Variants in CLTRN observed in about 807,000 individuals in gnomAD.
CLTRN encodes the protein collectrin.
CLTRN carries 12 observed loss-of-function variants against 14.5 expected under a neutral mutation model. That is an observed-to-expected ratio of 0.83 (90% CI 0.53 to 1.34). The LOEUF is 1.34. CLTRN is among the 40% of genes most tolerant of loss of function. CLTRN has a pLI of 0.00. For missense variants in CLTRN, 154 were observed against 165.1 expected (o/e 0.93, Z 0.37); for synonymous variants, 58 against 56.5 (o/e 1.03, Z -0.12).
intron 3 of CLTRN, chrX:15,646,458 A>ACCCACCCCCCCCCCCCCCCCCCCCCCCC: frequency 4.4e-6 from 1 of 228,792 alleles, no homozygotes; most frequent in Non-Finnish European, 8.0e-6. Flanking sequence ...AAAACCGCGC[A>ACCCACCCCCCCCCCCCCCCCCCCCCCCC]CCCACCCCCC....
chrX:15,663,799 T>C (rs1929561945), intron 2 of CLTRN, among the ~76,000 whole-genome samples: 1 of 112,724 alleles, frequency 8.9e-6, no homozygotes, highest in Non-Finnish European at 1.9e-5. Flanking sequence ...ACCATTCCTA[T>C]AGCCACATGG....
chrX:15,666,090 TG>T (rs1929615056), upstream of CLTRN, among the ~76,000 whole-genome samples: 1 of 111,667 alleles, frequency 9.0e-6, no homozygotes, highest in Admixed American at 9.4e-5. Flanking sequence ...TTGAGGATAG[TG>T]GGTGGGAGGA....
intron 3 of CLTRN, among the ~76,000 whole-genome samples, chrX:15,648,818 A>G (rs1166413468): frequency 1.8e-5 from 2 of 111,638 alleles, no homozygotes; most frequent in African/African-American, 6.5e-5. Context: ...TCAAAAAAAA[A>G]AAGAATAAAT....
intron 5 of CLTRN, among the ~76,000 whole-genome samples, chrX:15,630,098 A>G (rs1293343853): frequency 1.8e-5 from 2 of 111,996 alleles, no homozygotes; most frequent in Non-Finnish European, 3.8e-5. Flanking sequence ...ATGGATGGAC[A>G]GAAGATGGGT....
intron 3 of CLTRN, among the ~76,000 whole-genome samples, chrX:15,653,129 T>C (rs1406367347): frequency 9.0e-6 from 1 of 111,341 alleles, no homozygotes; most frequent in Admixed American, 9.5e-5. Flanking sequence ...ATGAACAAAT[T>C]TTTTTCTTGA....
At chrX:15,670,544 C>G (rs1344627652) in intron 1 of CLTRN, among the ~76,000 whole-genome samples, 1 of 111,463 alleles carries the variant, frequency 9.0e-6, no homozygotes, top group Admixed American at 9.6e-5. Context: ...AATTAGGCAA[C>G]AAAAATAATT....
intron 5 of CLTRN, among the ~76,000 whole-genome samples, chrX:15,632,927 C>G (rs1291394434): frequency 9.3e-6 from 1 of 107,838 alleles, no homozygotes; most frequent in African/African-American, 3.4e-5. Context: ...GAGCCAAGAC[C>G]CAAGAATAGC....
chrX:15,636,354 A>C (rs1197657246), intron 5 of CLTRN, among the ~76,000 whole-genome samples: 1 of 112,122 alleles, frequency 8.9e-6, no homozygotes, highest in Non-Finnish European at 1.9e-5. Flanking sequence ...AATACTATTC[A>C]GCCTTTAAAA....
intron 3 of CLTRN, among the ~76,000 whole-genome samples, chrX:15,650,646 A>G (rs1470867555): frequency 8.9e-6 from 1 of 112,233 alleles, no homozygotes. Context: ...TCAACAGGAC[A>G]ATGTTGTGTC....
chrX:15,646,597 C>T (rs1408543165), intron 3 of CLTRN: 1 of 339,536 alleles, frequency 2.9e-6, no homozygotes, highest in Non-Finnish European at 5.9e-6. Flanking sequence ...CCCCTCCCCA[C>T]CGCTCCTCCC....
chrX:15,674,796 G>A (rs1264081934), intron 1 of CLTRN: 3 of 113,081 alleles, frequency 2.7e-5, no homozygotes, highest in Non-Finnish European at 1.9e-5. Context: ...CGGGAGAGGC[G>A]TGACCAGAGT....
At chrX:15,638,580 C>A (rs1443965142) in intron 5 of CLTRN, among the ~76,000 whole-genome samples, 1 of 111,829 alleles carries the variant, frequency 8.9e-6, no homozygotes, top group Non-Finnish European at 1.9e-5. Context: ...TACCACTTAC[C>A]AGAATTATTC....
chrX:15,654,297 C>A (rs190291494), intron 3 of CLTRN, among the ~76,000 whole-genome samples: 6 of 112,586 alleles, frequency 5.3e-5, no homozygotes, highest in Non-Finnish European at 9.4e-5. Context: ...AAAGAGAAAG[C>A]CTTGCCTGAG....
At chrX:15,656,415 A>G (rs1474759455) in intron 3 of CLTRN, among the ~76,000 whole-genome samples, 1 of 111,408 alleles carries the variant, frequency 9.0e-6, no homozygotes, top group Non-Finnish European at 1.9e-5. Context: ...AATTCACGTG[A>G]TTTGGTTTAT....
intron 2 of CLTRN, among the ~76,000 whole-genome samples, chrX:15,659,732 TGAAGACACAGGGA>T (rs1471958331): frequency 9.0e-6 from 1 of 111,093 alleles, no homozygotes; most frequent in Non-Finnish European, 1.9e-5. Flanking sequence ...GAAGATGATA[TGAAGACACAGGGA>T]GAAGACAGCC....
At position 15,629,979 on chromosome X, in the gene CLTRN, T is replaced by C. The variant is rs191365336; in HGVS notation, c.513-1852A>G. ...AATCAGAAAAATCCAAATTTAAAAATGTTTTGCAAAACAGCTGACCTGGAC... is the reference window on the plus strand; with the variant it reads ...AATCAGAAAAATCCAAATTTAAAAACGTTTTGCAAAACAGCTGACCTGGAC... On this transcript the variant is annotated intron_variant, in intron 5 of 5. Coordinates refer to ENST00000380342, the MANE Select transcript of CLTRN (RefSeq NM_020665.6). Among the ~76,000 whole-genome samples the C allele has an allele frequency of 1.8e-4, 20 of 111,273 alleles. No homozygotes were observed. In the East Asian group the frequency reaches 5.6e-3, roughly 31 times the overall value.
At chrX:15,637,554 G>A (rs1377795682) in intron 5 of CLTRN, among the ~76,000 whole-genome samples, 1 of 112,118 alleles carries the variant, frequency 8.9e-6, no homozygotes, top group Non-Finnish European at 1.9e-5. Context: ...AGGCAAGGTG[G>A]TGACAACAGC....
intron 3 of CLTRN, among the ~76,000 whole-genome samples, chrX:15,651,523 G>A (rs1436213762): frequency 9.0e-6 from 1 of 111,557 alleles, no homozygotes; most frequent in Non-Finnish European, 1.9e-5. Flanking sequence ...TGCATTCTTT[G>A]TCAGGAGGGT....
At chrX:15,655,689 C>A (rs912245402) in intron 3 of CLTRN, among the ~76,000 whole-genome samples, 1 of 112,025 alleles carries the variant, frequency 8.9e-6, no homozygotes, top group Non-Finnish European at 1.9e-5. Context: ...GAAGTAGCCA[C>A]CAGTTTCTGT....
Sources: gnomAD v4.1 joint callset for allele counts (sites outside exome capture counted in the v4.1 genomes callset) on GRCh38, gnomAD v4.1.1 for gene constraint, MANE v1.5 for transcripts, NCBI Gene and HGNC (gene_info 2026-07-23, HGNC 2026-07-21) for gene names.